The following NRXN3 variants were observed in gnomAD, a reference collection of about 807,000 sequenced individuals.
NRXN3 encodes neurexin 3.
NRXN3 carries 32 observed loss-of-function variants against 137.6 expected under a neutral mutation model. The observed-to-expected ratio is 0.23, with a 90% CI of 0.18 to 0.31. The LOEUF (loss-of-function observed/expected upper bound fraction) is 0.31. Among genes scored for constraint, NRXN3 ranks in the 10% least tolerant of loss-of-function variants. NRXN3 has a pLI of 1.00. For missense variants in NRXN3, 1,574 were observed against 2,062.5 expected (o/e 0.76, Z 4.59); for synonymous variants, 798 against 784.5 (o/e 1.02, Z -0.29).
intron 15 of NRXN3, among the ~76,000 whole-genome samples, chr14:79,128,542 G>C (rs1305596720): frequency 0.017 from 2,506 of 151,012 alleles, 55 homozygotes; most frequent in African/African-American, 0.058. Context: ...TGATCATGGT[G>C]GATAAGCTTT....
intron 15 of NRXN3, among the ~76,000 whole-genome samples, chr14:79,146,645 T>C (rs1391961987): frequency 1.3e-5 from 2 of 152,018 alleles, no homozygotes; most frequent in Admixed American, 6.6e-5. Flanking sequence ...AAATCCTACA[T>C]AGACAGCAAA....
intron 15 of NRXN3, among the ~76,000 whole-genome samples, chr14:79,270,807 G>A (rs1447165283): frequency 2.6e-5 from 4 of 152,132 alleles, no homozygotes; most frequent in Non-Finnish European, 5.9e-5. Flanking sequence ...AGAAAAATCT[G>A]TTTCTTCTAC....
intron 4 of NRXN3, among the ~76,000 whole-genome samples, chr14:78,644,072 C>T (rs554904896): frequency 8.1e-5 from 11 of 135,382 alleles, no homozygotes; most frequent in African/African-American, 2.8e-4. Context: ...ACCCGGGAGG[C>T]GGAGGTTGCA....
At chr14:78,590,179 A>G (rs1174785459) in intron 4 of NRXN3, among the ~76,000 whole-genome samples, 2 of 152,160 alleles carry the variant, frequency 1.3e-5, no homozygotes, top group Non-Finnish European at 2.9e-5. Flanking sequence ...TGGTGTAGAA[A>G]CAGGTCATTT....
chr14:78,408,171 G>A (rs1193883183), intron 4 of NRXN3, among the ~76,000 whole-genome samples: 2 of 152,118 alleles, frequency 1.3e-5, no homozygotes, highest in Admixed American at 1.3e-4. Flanking sequence ...CCATGTCCAA[G>A]TCTTCCCACA....
At chr14:79,022,564 CTTCACACTA>C (rs1009347965) in intron 15 of NRXN3, among the ~76,000 whole-genome samples, 1 of 152,166 alleles carries the variant, frequency 6.6e-6, no homozygotes, top group African/African-American at 2.4e-5. Context: ...TTTTGTAGCA[CTTCACACTA>C]TTCTACCACC....
chr14:79,757,371 T>C lies in NRXN3; in HGVS notation c.4015-47741T>C, dbSNP rs186594601. On this transcript the variant is annotated intron_variant, in intron 19 of 20. Coordinates refer to ENST00000335750, the MANE Select transcript of NRXN3 (RefSeq NM_001330195.2). ...GGTACTGTTATCATCGTCCTGATGA[T>C]GGTCCCGTCTTGCAGAAAAGCCCAA... is the stretch of plus-strand genomic sequence containing the variant. 5.3e-5 allele frequency among the ~76,000 whole-genome samples: 8 copies of C among 152,314 alleles called. No homozygotes were observed. The East Asian group carries it at 1.5e-3, about 29-fold the overall frequency.
chr14:79,498,536 A>G (rs1601245317), intron 16 of NRXN3, among the ~76,000 whole-genome samples: 1 of 152,304 alleles, frequency 6.6e-6, no homozygotes, highest in Non-Finnish European at 1.5e-5. Context: ...TGTCTCAGTA[A>G]TTCCAACATC....
intron 4 of NRXN3, among the ~76,000 whole-genome samples, chr14:78,463,869 A>G (rs2095010149): frequency 6.6e-6 from 1 of 151,046 alleles, no homozygotes; most frequent in Admixed American, 6.6e-5. Context: ...AGCCAGCCAC[A>G]TATTATTTTA....
chr14:78,521,433 T>C (rs1450619137), intron 4 of NRXN3, among the ~76,000 whole-genome samples: 1 of 152,224 alleles, frequency 6.6e-6, no homozygotes, highest in Non-Finnish European at 1.5e-5. Flanking sequence ...AATTTTAGTC[T>C]TTAATTCTTT....
At chr14:78,459,366 C>T (rs1210994468) in intron 4 of NRXN3, among the ~76,000 whole-genome samples, 2 of 152,152 alleles carry the variant, frequency 1.3e-5, no homozygotes, top group Non-Finnish European at 2.9e-5. Context: ...CAAATGAGGT[C>T]ATGTTCAGTG....
intron 4 of NRXN3, among the ~76,000 whole-genome samples, chr14:78,338,032 G>A (rs940339619): frequency 1.3e-5 from 2 of 152,108 alleles, no homozygotes; most frequent in African/African-American, 4.8e-5. Flanking sequence ...TGAGTATTGT[G>A]TATTTCTCTC....
In NRXN3 at chr14:79,565,904, A is replaced by G. The variant is rs111868782; in HGVS notation, c.3445-97874A>G. Among the ~76,000 whole-genome samples, 133 of 152,312 alleles carry G rather than the reference A, an allele frequency of 8.7e-4. 1 individual carries two copies. In the Middle Eastern group the frequency reaches 0.017, roughly 19 times the overall value. ...ATTACAATTGTTAATGTTTGTTAAG[A>G]AAAATAATTCAATTTAGAGCAAGAA... is the stretch of plus-strand genomic sequence containing the variant. On this transcript the variant is annotated intron_variant, in intron 16 of 20. Coordinates refer to ENST00000335750, the MANE Select transcript of NRXN3 (RefSeq NM_001330195.2).
At chr14:78,447,913 A>C (rs1482046027) in intron 4 of NRXN3, among the ~76,000 whole-genome samples, 1 of 152,180 alleles carries the variant, frequency 6.6e-6, no homozygotes, top group Non-Finnish European at 1.5e-5. Context: ...GCCTTATAAA[A>C]ATGTACCAGT....
At chr14:78,407,577 A>T (rs575465879) in intron 4 of NRXN3, among the ~76,000 whole-genome samples, 1 of 152,310 alleles carries the variant, frequency 6.6e-6, no homozygotes, top group South Asian at 2.1e-4. Flanking sequence ...GAGGGCCCTC[A>T]GGAGTCCTAG....
intron 16 of NRXN3, among the ~76,000 whole-genome samples, chr14:79,527,218 G>A (rs57498760): frequency 0.04 from 6,093 of 150,796 alleles, 400 homozygotes; most frequent in African/African-American, 0.14. Context: ...CATTTGAACC[G>A]GGGTGGCAGA....
At chr14:79,302,409 T>C (rs2085293756) in intron 15 of NRXN3, among the ~76,000 whole-genome samples, 1 of 151,830 alleles carries the variant, frequency 6.6e-6, no homozygotes, top group Non-Finnish European at 1.5e-5. Context: ...TTACTCATGG[T>C]GGAAGGTAAA....
At position 78,714,762 on chromosome 14, in the gene NRXN3, T is replaced by C; in HGVS notation, c.1667T>C (p.Ile556Thr). ...DIQRDGRSGT[I>T]SVNSRRTPFT... ...ATCTGTCTTCCCACCCCAGGTACTA[T>C]ATCAGTGAACAGCAGGCGCACGCCA... The change falls in exon 8 of 21, where the codon ATA (isoleucine) becomes ACA (threonine). Residue 556 changes from isoleucine to threonine, a missense_variant. Ile to Thr is a moderately conservative substitution (Grantham distance 89). Around this residue, in one of 5 missense-constraint regions of NRXN3, gnomAD observed 718 missense variants for 887.6 expected, o/e 0.81. Transcript: ENST00000335750. The C allele has an allele frequency of 9.3e-6, 15 of 1,613,512 alleles. No homozygotes were observed. The highest frequency in any genetic ancestry group is 1.3e-5 in the Non-Finnish European group (15 of 1,179,542).
chr14:79,602,459 T>C (rs1399382813), intron 16 of NRXN3, among the ~76,000 whole-genome samples: 2 of 152,206 alleles, frequency 1.3e-5, no homozygotes, highest in Admixed American at 6.5e-5. Context: ...TTTCTTCATC[T>C]TACTTTCTTT....
Sources: gnomAD v4.1 joint callset for allele counts (sites outside exome capture counted in the v4.1 genomes callset) on GRCh38, gnomAD v4.1.1 for gene constraint, gnomAD v4.1.1 regional missense constraint, MANE v1.5 for transcripts, NCBI Gene and HGNC (gene_info 2026-07-23, HGNC 2026-07-21) for gene names.